XPR1: variants seen among roughly 807,000 people sequenced by gnomAD.
XPR1 encodes the protein solute carrier family 53 member 1.
In XPR1, 28 loss-of-function variants were observed where a neutral mutation model predicts 87.5. The ratio of observed to expected loss-of-function variants is 0.32; its 90% confidence interval spans 0.24 to 0.44. XPR1 has a LOEUF of 0.44. XPR1 is among the 20% of genes least tolerant of loss of function. The pLI is 1.00. For synonymous variants in XPR1, 300 were observed against 306.1 expected (o/e 0.98, Z 0.21); for missense variants, 559 against 862.3 (o/e 0.65, Z 4.41).
intron 6 of XPR1, among the ~76,000 whole-genome samples, 194 bp from the exon 7 acceptor site, chr1:180,811,213 T>C (rs555574493): frequency 6.6e-6 from 1 of 152,150 alleles, no homozygotes; most frequent in African/African-American, 2.4e-5. Context: ...AAAAAAAGCT[T>C]GATTAATTGG....
At chr1:180,746,730 C>T (rs1282091556) in intron 2 of XPR1, among the ~76,000 whole-genome samples, 4 of 152,136 alleles carry the variant, frequency 2.6e-5, no homozygotes, top group African/African-American at 4.8e-5. Flanking sequence ...AAAAACTATC[C>T]GCTGTATTCC....
intron 2 of XPR1, among the ~76,000 whole-genome samples, chr1:180,689,300 CTT>C (rs1281475307): frequency 1.3e-5 from 2 of 152,202 alleles, no homozygotes; most frequent in African/African-American, 2.4e-5. Flanking sequence ...TAAAAAATGA[CTT>C]TGCATTTTTC....
In XPR1 at chr1:180,835,218, C is replaced by T. The variant is rs370699456; in HGVS notation, c.1306+173C>T. 8.8e-4 allele frequency among the ~76,000 whole-genome samples: 134 copies of T among 152,286 alleles called. 2 individuals carry two copies. The South Asian group carries it at 0.027, about 31-fold the overall frequency. ...AGTCTCCTTATCTGATATAATTTGG[C>T]TTTTAAATTATGCATTAGGATTTCG... On this transcript the variant is annotated intron_variant, in intron 10 of 14. Transcript: ENST00000367590.
intron 2 of XPR1, among the ~76,000 whole-genome samples, chr1:180,776,369 T>C (rs1176265709): frequency 6.6e-6 from 1 of 152,070 alleles, no homozygotes; most frequent in Non-Finnish European, 1.5e-5. Context: ...CAAGTAGTTA[T>C]TGAATTATTA....
intron 1 of XPR1, among the ~76,000 whole-genome samples, chr1:180,658,523 T>G (rs1158954231): frequency 6.6e-6 from 1 of 152,182 alleles, no homozygotes; most frequent in Non-Finnish European, 1.5e-5. Flanking sequence ...ATCAAATGCT[T>G]CTTCAACATC....
chr1:180,747,003 T>G (rs6689853), intron 2 of XPR1, among the ~76,000 whole-genome samples: 8,378 of 152,250 alleles, frequency 0.055, 378 homozygotes, highest in East Asian at 0.13. Flanking sequence ...TATTTCAAAT[T>G]GAAATTTAAT....
intron 1 of XPR1, among the ~76,000 whole-genome samples, chr1:180,643,416 G>A (rs61809305): frequency 0.053 from 8,110 of 152,040 alleles, 308 homozygotes; most frequent in Non-Finnish European, 0.079. Context: ...TATTAGTGGC[G>A]TTCTAGATTT....
chr1:180,817,566 T>C (rs1283734882), intron 7 of XPR1, among the ~76,000 whole-genome samples: 1 of 152,224 alleles, frequency 6.6e-6, no homozygotes, highest in Non-Finnish European at 1.5e-5. Flanking sequence ...TTGCCTACAG[T>C]ATTCTGTACA....
At chr1:180,807,161 G>C (rs181805121) in intron 6 of XPR1, among the ~76,000 whole-genome samples, 2 of 152,194 alleles carry the variant, frequency 1.3e-5, no homozygotes, top group Admixed American at 1.3e-4. Context: ...CCCAAAAAAG[G>C]GTATTCACTT....
intron 12 of XPR1, among the ~76,000 whole-genome samples, chr1:180,865,494 A>C (rs1483644795): frequency 6.7e-6 from 1 of 149,186 alleles, no homozygotes; most frequent in Admixed American, 6.7e-5. Context: ...TCCACCTCCC[A>C]GGTTCACACC....
At chr1:180,679,320 G>A (rs1448573358) in intron 1 of XPR1, among the ~76,000 whole-genome samples, 4 of 152,244 alleles carry the variant, frequency 2.6e-5, no homozygotes, top group South Asian at 4.1e-4. Context: ...TTGCCTTCAG[G>A]GGACATTCGG....
intron 2 of XPR1, among the ~76,000 whole-genome samples, chr1:180,720,414 T>C (rs1039712338): frequency 1.3e-5 from 2 of 152,170 alleles, no homozygotes; most frequent in African/African-American, 4.8e-5. Context: ...CATAAAAGAC[T>C]TGAGGAAATA....
At chr1:180,656,879 T>G (rs988329757) in intron 1 of XPR1, among the ~76,000 whole-genome samples, 9 of 151,314 alleles carry the variant, frequency 5.9e-5, no homozygotes, top group African/African-American at 2.2e-4. Context: ...CTGGATTATA[T>G]GGTAGTTATA....
chr1:180,733,121 C>CT (rs1344475422), intron 2 of XPR1, among the ~76,000 whole-genome samples: 1 of 152,180 alleles, frequency 6.6e-6, no homozygotes, highest in Non-Finnish European at 1.5e-5. Flanking sequence ...GTCCAGCGGG[C>CT]TGTGTGTCTG....
chr1:180,803,517 C>T lies in XPR1; in HGVS notation c.353C>T (p.Ser118Phe). 6.2e-7 allele frequency: 1 copy of T among 1,613,898 alleles called. No individual in the cohort carries two copies. Among genetic ancestry groups the T allele is most frequent in the Non-Finnish European group, 8.5e-7 (1 of 1,179,988 alleles). The stretch of plus-strand genomic sequence containing the variant: ...CGCAGAAAGCCAGTCTTCCACTTGT[C>T]CCATGAGGAACGTGTCCAACATAGA... The part of the protein sequence containing the change: ...RQRRKPVFHL[S>F]HEERVQHRNI... The change falls in exon 4 of 15, where the codon TCC (serine) becomes TTC (phenylalanine). Residue 118 changes from serine to phenylalanine, a missense_variant. By Grantham distance (155) the Ser-to-Phe change is radical. Transcript: ENST00000367590.
chr1:180,643,856 A>G (rs1655030350), intron 1 of XPR1, among the ~76,000 whole-genome samples: 1 of 152,128 alleles, frequency 6.6e-6, no homozygotes, highest in Non-Finnish European at 1.5e-5. Flanking sequence ...ATGGAGTTCA[A>G]GTAGAAGGTG....
intron 14 of XPR1, among the ~76,000 whole-genome samples, chr1:180,883,747 G>C (rs1181937530): frequency 6.6e-6 from 1 of 150,484 alleles, no homozygotes; most frequent in Non-Finnish European, 1.5e-5. Context: ...CTCAAACCCA[G>C]ATCACTACCT....
intron 2 of XPR1, among the ~76,000 whole-genome samples, chr1:180,702,630 ATTTT>A (rs749906410): frequency 1.3e-5 from 2 of 151,696 alleles, no homozygotes; most frequent in South Asian, 4.2e-4. Flanking sequence ...CAGTTCTAGG[ATTTT>A]TTTGATTTTT....
chr1:180,873,051 A>G (rs933699121), intron 12 of XPR1, among the ~76,000 whole-genome samples: 2 of 152,062 alleles, frequency 1.3e-5, no homozygotes, highest in African/African-American at 4.8e-5. Flanking sequence ...CTTAATACAT[A>G]GTAGTTCCCC....
Sources: allele counts gnomAD v4.1 joint callset (sites outside exome capture counted in the v4.1 genomes callset), GRCh38; gene constraint gnomAD v4.1.1; transcripts MANE v1.5; gene names NCBI Gene and HGNC (gene_info 2026-07-23, HGNC 2026-07-21).